The following MYO16 variants were observed in gnomAD, a reference collection of about 807,000 sequenced individuals.
MYO16 encodes the protein unconventional myosin-XVI.
A neutral mutation model predicts 205.3 loss-of-function variants in MYO16; 94 were observed. The ratio of observed to expected loss-of-function variants is 0.46; its 90% CI spans 0.39 to 0.54. The LOEUF (loss-of-function observed/expected upper bound fraction) is 0.54. MYO16 is among the 20% of genes least tolerant of loss of function. The probability of loss-of-function intolerance (pLI) is 0.00; values close to 1 mark genes in which losing one functional copy is unlikely to be tolerated. For synonymous variants in MYO16, 988 were observed against 954.0 expected (o/e 1.04, Z -0.66); for missense variants, 2,315 against 2,387.5 (o/e 0.97, Z 0.63).
At chr13:108,757,848 A>G (rs1885473061) in intron 4 of MYO16, among the ~76,000 whole-genome samples, 1 of 152,228 alleles carries the variant, frequency 6.6e-6, no homozygotes, top group South Asian at 2.1e-4. Flanking sequence ...TAGCTACTTC[A>G]TATGAGGGCA....
intron 6 of MYO16, among the ~76,000 whole-genome samples, chr13:108,797,176 G>A (rs1886820310): frequency 6.6e-6 from 1 of 152,186 alleles, no homozygotes; most frequent in Admixed American, 6.5e-5. Flanking sequence ...GGCTGAAGAA[G>A]ACACAAACCT....
At chr13:108,959,965 T>A in intron 17 of MYO16, among the ~76,000 whole-genome samples, 1 of 149,554 alleles carries the variant, frequency 6.7e-6, no homozygotes. Context: ...TGAAGACTAA[T>A]TGATTTAAAG....
chr13:108,959,504 C>A (rs182067336), intron 17 of MYO16, among the ~76,000 whole-genome samples: 1 of 152,296 alleles, frequency 6.6e-6, no homozygotes, highest in Admixed American at 6.5e-5. Context: ...TCATAGCCTT[C>A]TTGGTAAAAG....
chr13:108,608,591 A>T (rs1879050255), intron 1 of MYO16, among the ~76,000 whole-genome samples: 2 of 152,172 alleles, frequency 1.3e-5, no homozygotes, highest in Admixed American at 1.3e-4. Context: ...ACATATACAC[A>T]TACATAAATA....
intron 7 of MYO16, among the ~76,000 whole-genome samples, chr13:108,815,112 T>C (rs1379799930): frequency 6.6e-6 from 1 of 152,206 alleles, no homozygotes; most frequent in Admixed American, 6.6e-5. Context: ...GTGCAATATT[T>C]GTACACTTCA....
chr13:108,989,158 G>A (rs1294669293), intron 20 of MYO16, among the ~76,000 whole-genome samples: 2 of 152,042 alleles, frequency 1.3e-5, no homozygotes, highest in South Asian at 2.1e-4. Context: ...TCTTATTACA[G>A]GTACTGTTAA....
chr13:108,667,720 G>C (rs546266408), intron 2 of MYO16, among the ~76,000 whole-genome samples: 48 of 152,112 alleles, frequency 3.2e-4, no homozygotes, highest in Non-Finnish European at 5.3e-4. Flanking sequence ...TAAAATTTAA[G>C]CCCTATTTTG....
At chr13:108,810,782 C>T (rs9521062) in intron 7 of MYO16, among the ~76,000 whole-genome samples, 36,057 of 152,018 alleles carry the variant, frequency 0.24, 5,051 homozygotes, top group East Asian at 0.65. Context: ...ACAGTAATTT[C>T]ACTCTTATAA....
At chr13:108,604,469 G>A (rs748458586) in intron 1 of MYO16, among the ~76,000 whole-genome samples, 16 of 152,196 alleles carry the variant, frequency 1.1e-4, no homozygotes, top group South Asian at 2.1e-4. Context: ...AAATCATAGT[G>A]AGTGAATGGG....
intron 4 of MYO16, among the ~76,000 whole-genome samples, chr13:108,784,113 T>C (rs1485502319): frequency 6.6e-6 from 1 of 152,202 alleles, no homozygotes; most frequent in Non-Finnish European, 1.5e-5. Flanking sequence ...GGCCTGCCTA[T>C]CCTTGACCAA....
intron 27 of MYO16, among the ~76,000 whole-genome samples, chr13:109,061,267 C>T (rs960031444): frequency 1.3e-5 from 2 of 152,152 alleles, no homozygotes; most frequent in Non-Finnish European, 2.9e-5. Flanking sequence ...CATTCGTGTG[C>T]CCACAAGAAT....
intron 1 of MYO16, chr13:108,659,210 G>A (rs1470460276): frequency 6.5e-6 from 1 of 152,960 alleles, no homozygotes; most frequent in Non-Finnish European, 1.4e-5. Context: ...GTGTGTGTGT[G>A]TGTGTATATA....
chr13:108,847,424 G>A (rs1877579877), intron 10 of MYO16, among the ~76,000 whole-genome samples: 2 of 152,184 alleles, frequency 1.3e-5, no homozygotes, highest in South Asian at 4.1e-4. Flanking sequence ...GGTGCTAGCT[G>A]TATGGTTCTC....
the MYO16 span, among the ~76,000 whole-genome samples, chr13:108,583,119 T>C: frequency 6.6e-6 from 1 of 152,208 alleles, no homozygotes. Flanking sequence ...ATTTTGGCTG[T>C]TACAGTTTAT....
At chr13:108,553,163 T>G in the MYO16 span, among the ~76,000 whole-genome samples, 1 of 151,768 alleles carries the variant, frequency 6.6e-6, no homozygotes, top group African/African-American at 2.4e-5. Context: ...GGATTACAGG[T>G]GTGTGCCACC....
intron 23 of MYO16, among the ~76,000 whole-genome samples, chr13:109,031,958 A>C (rs901530340): frequency 1.3e-5 from 2 of 152,114 alleles, no homozygotes; most frequent in African/African-American, 4.8e-5. Context: ...GTGGCCTAGA[A>C]AGTGCCTTTT....
intron 6 of MYO16, among the ~76,000 whole-genome samples, chr13:108,798,211 T>C (rs1886848753): frequency 7.6e-6 from 1 of 131,630 alleles, no homozygotes; most frequent in Admixed American, 7.5e-5. Flanking sequence ...TATTTATCTA[T>C]TGTGGAGATA....
intron 2 of MYO16, among the ~76,000 whole-genome samples, chr13:108,680,748 G>A (rs1882427559): frequency 1.3e-5 from 2 of 152,164 alleles, no homozygotes; most frequent in Admixed American, 6.5e-5. Context: ...TCTCACCATT[G>A]TGGACCCCCA....
At chr13:108,749,142 C>G (rs556791135) in intron 4 of MYO16, among the ~76,000 whole-genome samples, 1 of 152,154 alleles carries the variant, frequency 6.6e-6, no homozygotes, top group African/African-American at 2.4e-5. Context: ...TATGCATTAC[C>G]TCACAAACTT....
Sources: gnomAD v4.1 joint callset for allele counts (sites outside exome capture counted in the v4.1 genomes callset) on GRCh38, gnomAD v4.1.1 for gene constraint, MANE v1.5 for transcripts, NCBI Gene and HGNC (gene_info 2026-07-23, HGNC 2026-07-21) for gene names.